Variants in TPR observed in about 807,000 individuals in gnomAD.
TPR encodes nucleoprotein TPR.
In TPR, 51 loss-of-function variants were observed where a neutral mutation model predicts 316.1. That is an observed-to-expected ratio of 0.16 (90% CI 0.13 to 0.20). The LOEUF (loss-of-function observed/expected upper bound fraction) is 0.20, where lower values mean the gene tolerates loss of function less well. Among genes scored for constraint, TPR ranks in the 10% least tolerant of loss-of-function variants. The pLI is 1.00. For synonymous variants in TPR, 981 were observed against 914.7 expected, an observed-to-expected ratio of 1.07 and a Z score of -1.31; for missense variants, 2,272 against 2,754.8, an observed-to-expected ratio of 0.82 and a Z score of 3.92.
chr1:186,318,285 G>T (rs1013825526), intron 48 of TPR, among the ~76,000 whole-genome samples, 162 bp downstream of exon 48: 17 of 150,804 alleles, frequency 1.1e-4, no homozygotes, highest in Admixed American at 1.1e-3. Flanking sequence ...CCGAGATCAC[G>T]CCACTGCACT....
At chr1:186,332,088 A>G in intron 38 of TPR, 107 bp downstream of exon 38, 1 of 1,217,244 alleles carries the variant, frequency 8.2e-7, no homozygotes, top group Non-Finnish European at 1.1e-6. Context: ...TGTTTTCCAG[A>G]TAATATATTT....
At position 186,353,757 on chromosome 1, in the gene TPR, C is replaced by T; in HGVS notation, c.2265G>A (p.Lys755=). The change falls in exon 18 of 51, where the codon AAG becomes AAA. Residue 755 remains lysine, a synonymous_variant. Coordinates refer to ENST00000367478, the MANE Select transcript of TPR (RefSeq NM_003292.3). ...TCATCGTATTGATAATCTGTTCTTGCTTTTGAGTTGTGGCAGTGAGTTTCT... is the reference window on the plus strand; with the variant it reads ...TCATCGTATTGATAATCTGTTCTTGTTTTTGAGTTGTGGCAGTGAGTTTCT... The part of the protein sequence containing the change: ...RNQKLTATTQ[K]QEQIINTMTQ... 6.2e-7 allele frequency: 1 copy of T among 1,614,084 alleles called. No homozygotes were observed. The highest frequency in any genetic ancestry group is 8.5e-7 in the Non-Finnish European group (1 of 1,179,996).
chr1:186,343,876 C>T (rs1282340197), intron 26 of TPR, 30 bp downstream of exon 26: 15 of 1,565,678 alleles, frequency 9.6e-6, no homozygotes, highest in Non-Finnish European at 1.3e-5. Context: ...TGTTATACCA[C>T]AGAAATGAAG....
chr1:186,328,925 A>C (rs1658076192), intron 39 of TPR, among the ~76,000 whole-genome samples: 2 of 152,326 alleles, frequency 1.3e-5, no homozygotes, highest in Admixed American at 1.3e-4. Flanking sequence ...TTTTTATACA[A>C]GCTAGCAACA....
chr1:186,353,438 T>C (rs1362086657), intron 18 of TPR, among the ~76,000 whole-genome samples: 1 of 152,140 alleles, frequency 6.6e-6, no homozygotes, highest in Non-Finnish European at 1.5e-5. Context: ...AAATTTATTT[T>C]GAAATGCAAG....
At position 186,345,966 on chromosome 1, in the gene TPR, C is replaced by A. The variant is rs776812826; in HGVS notation, c.3096+169G>T. ...CTGTAAAGTAGTCTAAAAATTTCAA[C>A]GGGAAATGTATATAGAGGTACAGAA... is the stretch of plus-strand genomic sequence containing the variant. On this transcript the variant is annotated intron_variant, in intron 23 of 50. Coordinates refer to ENST00000367478, the MANE Select transcript of TPR (RefSeq NM_003292.3). Among the ~76,000 whole-genome samples the A allele has an allele frequency of 3.3e-4, 50 of 151,942 alleles. 2 individuals are homozygous for A. Among genetic ancestry groups the A allele is most frequent in the Admixed American group, 2.9e-3 (44 of 15,240 alleles).
rs752455824 is a variant in TPR, at chr1:186,337,134, G to C, written c.4385C>G (p.Ser1462Cys). The C allele has an allele frequency of 1.2e-6, 2 of 1,613,542 alleles. No individual in the cohort carries two copies. The highest frequency in any genetic ancestry group is 1.7e-6 in the Non-Finnish European group (2 of 1,179,770). Residue 1462 changes from serine (S) to cysteine (C), a missense_variant, in exon 32 of 51, where the codon TCC becomes TGC. Ser to Cys is a moderately radical substitution (Grantham distance 112, BLOSUM62 -1). Coordinates refer to ENST00000367478, the MANE Select transcript of TPR (RefSeq NM_003292.3). ...ATGCTGCTCCTGATGGTCTCCAGAG[G>C]ACTGAGCCGATGTCTCCATAACCTA... ...QDKVMETSAQ[S>C]SGDHQEQHVS... is the part of the protein sequence containing the mutation.
Position 186,326,125 on chromosome 1 carries a change from A to C in TPR, c.6000T>G (p.Gly2000=). ...EGTGSADGND[G]YEADDAEGGD... is the part of the protein sequence containing the mutation. ...TTACCTCAGCATCATCAGCTTCATA[A>C]CCATCATTGCCATCGGCACTACCAG... Residue 2000 remains glycine (G), a synonymous_variant, in exon 41 of 51, where the codon GGT becomes GGG. Transcript: ENST00000367478. 6.2e-7 allele frequency: 1 copy of C among 1,613,766 alleles called. No individual in the cohort carries two copies. Among genetic ancestry groups the C allele is most frequent in the Non-Finnish European group, 8.5e-7 (1 of 1,179,774 alleles).
intron 42 of TPR, among the ~76,000 whole-genome samples, chr1:186,324,769 C>T (rs1657869088): frequency 7.0e-6 from 1 of 143,502 alleles, no homozygotes; most frequent in South Asian, 2.4e-4. Flanking sequence ...CCTATTTTTG[C>T]TTGGTTGCAA....
At position 186,360,176 on chromosome 1, in the gene TPR, G is replaced by T. The variant is rs140225443; in HGVS notation, c.1191+97C>A. 499 of 1,415,164 alleles carry T rather than the reference G, an allele frequency of 3.5e-4. 3 individuals are homozygous for T. In the African/African-American group the frequency reaches 6.3e-3, roughly 18 times the overall value. 87.7% of individuals were successfully genotyped at this position (1,415,164 alleles called of 1,614,324 possible). A position where few individuals can be genotyped will look rare whatever the true frequency, so the allele number is the denominator to read the frequency against. On this transcript the variant is annotated intron_variant, in intron 11 of 50. Coordinates refer to ENST00000367478, the MANE Select transcript of TPR (RefSeq NM_003292.3). ...TAGAATGATCCACTAATTATAAGAT[G>T]ATTTTAAAAATAAGTTTTGGGAGAA... is the stretch of plus-strand genomic sequence containing the variant.
At chr1:186,367,238 GTTA>G (rs1245309233) in intron 4 of TPR, among the ~76,000 whole-genome samples, 1 of 151,712 alleles carries the variant, frequency 6.6e-6, no homozygotes, top group Non-Finnish European at 1.5e-5. Context: ...GCTAATTTCT[GTTA>G]TTTTTAGTAG....
chr1:186,365,939 C>T (rs1025113456), intron 4 of TPR, among the ~76,000 whole-genome samples: 4 of 152,084 alleles, frequency 2.6e-5, no homozygotes, highest in Admixed American at 2.6e-4. Context: ...CAGTGCCAGA[C>T]GATGTGGAAA....
rs755196434 is a variant in TPR, at chr1:186,317,487, G to C, written c.6935C>G (p.Ser2312Cys). 3.7e-6 allele frequency: 6 copies of C among 1,613,820 alleles called. No homozygotes were observed. The South Asian group carries it at 5.5e-5, about 15-fold the overall frequency. Reference protein sequence around the residue: ...STSQDPPSSSSVDTSSSQPKP... With the variant: ...STSQDPPSSSCVDTSSSQPKP... ...AGTCAAGGGCAGGGACTCACCTACA[G>C]ATGAGCTAGAAGGAGGATCCTGGCT... The change falls in exon 49 of 51, where the codon TCT becomes TGT. Residue 2312 changes from serine (S) to cysteine (C), a missense_variant. Physicochemically the swap from Ser to Cys is moderately radical, Grantham distance 112. Coordinates refer to ENST00000367478, the MANE Select transcript of TPR (RefSeq NM_003292.3).
At chr1:186,317,432 A>T in intron 49 of TPR, 50 bp downstream of exon 49, 1 of 1,412,514 alleles carries the variant, frequency 7.1e-7, no homozygotes, top group Admixed American at 1.7e-5. Context: ...TGTTTTCACA[A>T]ACAAGTTTGA....
intron 17 of TPR, among the ~76,000 whole-genome samples, chr1:186,354,535 T>C (rs1346604997): frequency 1.3e-5 from 2 of 152,146 alleles, no homozygotes; most frequent in Non-Finnish European, 2.9e-5. Context: ...GCTGAACTAT[T>C]AGATGTATAG....
At chr1:186,317,654 A>G (rs1557982150) in intron 48 of TPR, 54 bp from the exon 49 acceptor site, 2 of 1,485,594 alleles carry the variant, frequency 1.3e-6, no homozygotes, top group African/African-American at 2.8e-5. Context: ...TCAATCATAA[A>G]TTATATCCAC....
intron 2 of TPR, among the ~76,000 whole-genome samples, chr1:186,373,097 G>T (rs1273930354): frequency 6.6e-6 from 1 of 152,102 alleles, no homozygotes; most frequent in Non-Finnish European, 1.5e-5. Flanking sequence ...ACAATAATCA[G>T]ATACTGTTAA....
In TPR at chr1:186,344,441, T is replaced by C. The variant is rs1263785440; in HGVS notation, c.3351A>G (p.Thr1117=). ...CCAACAACTGTGATTCTGCTTTCTGTGTTGTTTCTTCCAAATGCTGACGGA... is the reference window on the plus strand; with the variant it reads ...CCAACAACTGTGATTCTGCTTTCTGCGTTGTTTCTTCCAAATGCTGACGGA... ...ASVRQHLEET[T]QKAESQLLEC... Residue 1117 remains threonine, a synonymous_variant, in exon 25 of 51, where the codon ACA becomes ACG. Coordinates refer to ENST00000367478, the MANE Select transcript of TPR (RefSeq NM_003292.3). 4 of 1,614,170 alleles carry C rather than the reference T, an allele frequency of 2.5e-6. No individual in the cohort carries two copies. In the African/African-American group the frequency reaches 4.0e-5, roughly 16 times the overall value.
At position 186,340,986 on chromosome 1, in the gene TPR, A is replaced by C. The variant is rs201480658; in HGVS notation, c.4020+42T>G. On this transcript the variant is annotated intron_variant, in intron 29 of 50. Transcript: ENST00000367478. The stretch of plus-strand genomic sequence containing the variant: ...CCCTAAGTTTCCCCTATTATTAAAA[A>C]CACGTGTTTCCATGTTTTGGAAGAG... 149 of 1,586,134 alleles carry C rather than the reference A, an allele frequency of 9.4e-5. 1 individual carries two copies. The East Asian group carries it at 3.3e-3, about 35-fold the overall frequency.
Sources: allele counts gnomAD v4.1 joint callset (sites outside exome capture counted in the v4.1 genomes callset), GRCh38; gene constraint gnomAD v4.1.1; transcripts MANE v1.5; gene names NCBI Gene and HGNC (gene_info 2026-07-23, HGNC 2026-07-21).